The following IQGAP1 variants were observed in gnomAD, a reference collection of about 807,000 sequenced individuals.
IQGAP1 encodes ras GTPase-activating-like protein IQGAP1.
In IQGAP1, 66 loss-of-function variants were observed where a neutral mutation model predicts 215.6. The ratio of observed to expected loss-of-function variants is 0.31; its 90% CI spans 0.25 to 0.38. The LOEUF (loss-of-function observed/expected upper bound fraction) is 0.38. Ranked by LOEUF, IQGAP1 falls within the 10% of genes least tolerant of loss-of-function variation. The pLI is 1.00. For missense variants in IQGAP1, 1,712 were observed against 1,997.1 expected (o/e 0.86, Z 2.72); for synonymous variants, 772 against 728.7 (o/e 1.06, Z -0.96).
intron 18 of IQGAP1, among the ~76,000 whole-genome samples, chr15:90,472,587 G>T (rs1442497162): frequency 2.6e-5 from 4 of 152,122 alleles, no homozygotes; most frequent in Non-Finnish European, 4.4e-5. Flanking sequence ...AGGTAGATAA[G>T]TGAGATGACA....
At chr15:90,499,907 C>G in intron 37 of IQGAP1, 88 bp from the exon 38 acceptor site, 5 of 852,392 alleles carry the variant, frequency 5.9e-6, no homozygotes, top group Non-Finnish European at 7.7e-6. Context: ...ATCTGGATCC[C>G]TCCCTACATT....
intron 2 of IQGAP1, chr15:90,391,673 T>G (rs559405821): frequency 1.3e-5 from 2 of 152,492 alleles, no homozygotes; most frequent in East Asian, 3.9e-4. Context: ...CTGCATTCTT[T>G]GTGAAGTGAA....
chr15:90,455,655 C>G (rs939433310), intron 14 of IQGAP1, among the ~76,000 whole-genome samples: 1 of 152,214 alleles, frequency 6.6e-6, no homozygotes, highest in Admixed American at 6.5e-5. Context: ...AGCCTTGCTT[C>G]GCATTAGGGA....
intron 17 of IQGAP1, 65 bp from the exon 18 acceptor site, chr15:90,467,385 T>G: frequency 2.7e-6 from 4 of 1,506,682 alleles, no homozygotes; most frequent in Non-Finnish European, 3.6e-6. Context: ...AATCCTGCAG[T>G]TCTGGACGTA....
At chr15:90,400,945 G>T (rs1036902337) in intron 2 of IQGAP1, among the ~76,000 whole-genome samples, 1 of 152,150 alleles carries the variant, frequency 6.6e-6, no homozygotes, top group South Asian at 2.1e-4. Flanking sequence ...TGGACTCTTG[G>T]TTGTTTCTAG....
intron 15 of IQGAP1, among the ~76,000 whole-genome samples, chr15:90,458,100 C>G (rs748112604): frequency 3.9e-5 from 6 of 152,152 alleles, no homozygotes; most frequent in East Asian, 1.9e-4. Context: ...ATGGGTTTGT[C>G]TATTCTGAAC....
At chr15:90,402,801 C>A (rs1035045275) in intron 2 of IQGAP1, among the ~76,000 whole-genome samples, 2 of 151,978 alleles carry the variant, frequency 1.3e-5, no homozygotes, top group African/African-American at 4.8e-5. Flanking sequence ...AAAAAACTTA[C>A]AATCATTAAA....
intron 29 of IQGAP1, 135 bp downstream of exon 29, chr15:90,483,728 A>T: frequency 4.7e-6 from 3 of 635,772 alleles, no homozygotes; most frequent in Non-Finnish European, 5.5e-6. Flanking sequence ...TGTGCCCAGG[A>T]TTCCAGAAGA....
intron 35 of IQGAP1, chr15:90,494,468 A>G (rs923968377): frequency 1.1e-5 from 3 of 272,384 alleles, no homozygotes; most frequent in African/African-American, 6.8e-5. Context: ...AGACACTGTT[A>G]AATTCATGGG....
rs1360985543 is a variant in IQGAP1, at chr15:90,466,378, G to A, written c.1977G>A (p.Glu659=). The change falls in exon 17 of 38, where the codon GAG becomes GAA. Residue 659 remains glutamate, a synonymous_variant. Transcript: ENST00000268182. ...PDVGLYGVIP[E]CGETYHSDLA... ...TTGGCTTGTATGGAGTCATCCCTGA[G>A]TGTGGTGAAACTTACCACAGTGATC... The A allele has an allele frequency of 1.2e-6, 2 of 1,614,200 alleles. No individual in the cohort carries two copies. Among genetic ancestry groups the A allele is most frequent in the Admixed American group, 1.7e-5 (1 of 60,026 alleles).
chr15:90,473,725 G>A lies in IQGAP1; in HGVS notation c.2360G>A (p.Arg787Lys). 6.2e-7 allele frequency: 1 copy of A among 1,608,764 alleles called. No individual in the cohort carries two copies. Among genetic ancestry groups the A allele is most frequent in the East Asian group, 2.2e-5 (1 of 44,724 alleles). The change falls in exon 20 of 38, where the codon AGA becomes AAA. Residue 787 changes from arginine to lysine, a missense_variant. Physicochemically the swap from Arg to Lys is conservative, Grantham distance 26. This residue lies in a region of IQGAP1 where 1,021 missense variants were observed against 1,074.2 expected (regional missense o/e 0.95). Coordinates refer to ENST00000268182, the MANE Select transcript of IQGAP1 (RefSeq NM_003870.4). ...ATTTGACTGTTTCAGTCACAGTGGA[G>A]AGGATACAAGCAGAAGAAGGCATAT... ...PAITCIQSQW[R>K]GYKQKKAYQD...
intron 2 of IQGAP1, among the ~76,000 whole-genome samples, chr15:90,408,045 A>G (rs1964904816): frequency 6.6e-6 from 1 of 152,238 alleles, no homozygotes; most frequent in Non-Finnish European, 1.5e-5. Flanking sequence ...GTTTTTCAGG[A>G]TAAGCTGACA....
chr15:90,395,550 G>A (rs977837870), intron 2 of IQGAP1, among the ~76,000 whole-genome samples: 2 of 152,160 alleles, frequency 1.3e-5, no homozygotes, highest in African/African-American at 4.8e-5. Flanking sequence ...TTGATCTCCT[G>A]ACCTCGTGAT....
At chr15:90,454,893 A>G (rs960867201) in intron 14 of IQGAP1, among the ~76,000 whole-genome samples, 2 of 152,348 alleles carry the variant, frequency 1.3e-5, no homozygotes, top group African/African-American at 4.8e-5. Flanking sequence ...CACTTCAGAC[A>G]CAAGCTGAAA....
At chr15:90,412,468 A>C (rs1964980574) in intron 2 of IQGAP1, among the ~76,000 whole-genome samples, 1 of 152,180 alleles carries the variant, frequency 6.6e-6, no homozygotes, top group African/African-American at 2.4e-5. Flanking sequence ...AAGGGTCTGC[A>C]CATTCTCTGC....
chr15:90,466,641 A>G (rs1048447221), intron 17 of IQGAP1, among the ~76,000 whole-genome samples: 1 of 147,644 alleles, frequency 6.8e-6, no homozygotes, highest in African/African-American at 2.5e-5. Flanking sequence ...AATAAGGCCA[A>G]TTTTCTGAGA....
chr15:90,458,636 T>A (rs1174399245), intron 15 of IQGAP1, among the ~76,000 whole-genome samples: 2 of 152,240 alleles, frequency 1.3e-5, no homozygotes, highest in Admixed American at 1.3e-4. Flanking sequence ...TTTTCATTGT[T>A]CTGATGACCA....
At chr15:90,462,000 GAAAA>G (rs1555439593) in intron 15 of IQGAP1, among the ~76,000 whole-genome samples, 3 of 11,544 alleles carry the variant, frequency 2.6e-4, no homozygotes, top group Admixed American at 1.1e-3. Context: ...AAAAAAAAAA[GAAAA>G]AAAAAAAATT....
intron 2 of IQGAP1, among the ~76,000 whole-genome samples, chr15:90,415,784 C>T (rs528578159): frequency 3.3e-5 from 5 of 152,262 alleles, no homozygotes; most frequent in South Asian, 2.1e-4. Context: ...CCTGGATTAC[C>T]GAAATGTTTG....
Sources: allele counts gnomAD v4.1 joint callset (sites outside exome capture counted in the v4.1 genomes callset), GRCh38; gene constraint gnomAD v4.1.1; regional missense constraint gnomAD v4.1.1; transcripts MANE v1.5; gene names NCBI Gene and HGNC (gene_info 2026-07-23, HGNC 2026-07-21).